Variants in MTUS1 observed in about 807,000 individuals in gnomAD.
MTUS1 encodes the protein microtubule associated scaffold protein 1, also known as microtubule-associated tumor suppressor 1.
A neutral mutation model predicts 120.8 loss-of-function variants in MTUS1; 109 were observed. The ratio of observed to expected loss-of-function variants is 0.90; its 90% CI spans 0.77 to 1.06. The LOEUF is 1.06. Among genes scored for constraint, MTUS1 ranks in the 50% least tolerant of loss-of-function variants. MTUS1 has a pLI of 0.00. For missense variants in MTUS1, 2,210 were observed against 1,486.3 expected, an observed-to-expected ratio of 1.49 and a Z score of -8.01; for synonymous variants, 737 against 550.5, an observed-to-expected ratio of 1.34 and a Z score of -4.74.
At chr8:17,726,754 T>A (rs570483179) in intron 3 of MTUS1, among the ~76,000 whole-genome samples, 6 of 152,148 alleles carry the variant, frequency 3.9e-5, no homozygotes, top group Non-Finnish European at 7.3e-5. Flanking sequence ...GAAAACAGAT[T>A]TTTAGAATAT....
chr8:17,722,202 G>A (rs915595208), intron 4 of MTUS1: 133 of 1,032,104 alleles, frequency 1.3e-4, no homozygotes, highest in Non-Finnish European at 1.5e-4. Context: ...AGCCTCCTTA[G>A]GAGCATCAGA....
intron 6 of MTUS1, among the ~76,000 whole-genome samples, chr8:17,710,761 G>A (rs139356061): frequency 6.6e-6 from 1 of 152,302 alleles, no homozygotes; most frequent in African/African-American, 2.4e-5. Flanking sequence ...GGCAGCTACA[G>A]TCTTACACAA....
Position 17,738,893 on chromosome 8 carries a change from C to T in MTUS1, c.2287+4711G>A, listed in dbSNP as rs181999146. Among the ~76,000 whole-genome samples the T allele has an allele frequency of 4.0e-5, 6 of 151,496 alleles. No homozygotes were observed. The East Asian group carries it at 1.2e-3, about 30-fold the overall frequency. On this transcript the variant is annotated intron_variant, in intron 3 of 14. Transcript: ENST00000693296. Reference sequence around the variant, plus strand: ...GTGGTTCATGCCTGTCATCTCGGTACTGTGGGAGGCCTAGGTGGGAGGATC... The same window carrying T: ...GTGGTTCATGCCTGTCATCTCGGTATTGTGGGAGGCCTAGGTGGGAGGATC...
intron 1 of MTUS1, among the ~76,000 whole-genome samples, chr8:17,795,914 G>A (rs1195722591): frequency 6.6e-6 from 1 of 151,060 alleles, no homozygotes; most frequent in Non-Finnish European, 1.5e-5. Context: ...GGGATTACAG[G>A]TGTGAGCCAC....
chr8:17,666,140 T>G (rs1810859411), intron 8 of MTUS1, among the ~76,000 whole-genome samples: 1 of 148,002 alleles, frequency 6.8e-6, no homozygotes, highest in African/African-American at 2.5e-5. Flanking sequence ...ACACTCCGTG[T>G]ATAAACGAAC....
intron 5 of MTUS1, among the ~76,000 whole-genome samples, chr8:17,714,246 C>A (rs1202884365): frequency 1.3e-5 from 2 of 152,160 alleles, no homozygotes; most frequent in African/African-American, 4.8e-5. Context: ...TGCCTATTTT[C>A]TCTTCAATTC....
intron 3 of MTUS1, among the ~76,000 whole-genome samples, chr8:17,730,367 T>A (rs1344382782): frequency 6.6e-6 from 1 of 151,862 alleles, no homozygotes; most frequent in Non-Finnish European, 1.5e-5. Flanking sequence ...CACCTGTAAT[T>A]CCAGCTACTT....
Position 17,707,192 on chromosome 8 carries a change from A to G in MTUS1, c.2623+6022T>C, listed in dbSNP as rs1820344446. Reference sequence around the variant, plus strand: ...AAGTCAAGGTGATTTTCAGTCACAGAATATCACAGTAGGGAGAAATCTAGA... The same window carrying G: ...AAGTCAAGGTGATTTTCAGTCACAGGATATCACAGTAGGGAGAAATCTAGA... On this transcript the variant is annotated intron_variant, in intron 6 of 14. Coordinates refer to ENST00000693296, the MANE Select transcript of MTUS1 (RefSeq NM_001363059.2). Among the ~76,000 whole-genome samples the G allele has an allele frequency of 2.0e-5, 3 of 152,236 alleles. No homozygotes were observed. The South Asian group carries it at 6.2e-4, about 31-fold the overall frequency.
chr8:17,748,706 C>T (rs894104570), intron 2 of MTUS1, among the ~76,000 whole-genome samples: 3 of 151,972 alleles, frequency 2.0e-5, no homozygotes, highest in Non-Finnish European at 4.4e-5. Context: ...CCACACACTC[C>T]TGCCCGCAAG....
intron 3 of MTUS1, among the ~76,000 whole-genome samples, chr8:17,742,949 T>C (rs533746782): frequency 6.6e-6 from 1 of 152,328 alleles, no homozygotes; most frequent in East Asian, 1.9e-4. Flanking sequence ...CTCAGTCAAT[T>C]GGAATGGCTA....
rs753726925 is a variant in MTUS1, at chr8:17,753,744, C to T, written c.2064G>A (p.Glu688=). The part of the protein sequence containing the change: ...KQELKQEIMN[E]TFEYGSLFLG... ...AAAACAGAGAACCATATTCAAAAGTCTCATTCATAATCTCTTGTTTCAGCT... is the reference window on the plus strand; with the variant it reads ...AAAACAGAGAACCATATTCAAAAGTTTCATTCATAATCTCTTGTTTCAGCT... The change falls in exon 2 of 15, where the codon GAG becomes GAA. Residue 688 remains glutamate, a synonymous_variant. Transcript: ENST00000693296. 2.6e-5 allele frequency: 42 copies of T among 1,606,748 alleles called. No individual in the cohort carries two copies. The highest frequency in any genetic ancestry group is 3.6e-5 in the Non-Finnish European group (42 of 1,178,060).
chr8:17,668,431 C>T (rs1357895229), intron 8 of MTUS1, among the ~76,000 whole-genome samples: 3 of 152,134 alleles, frequency 2.0e-5, no homozygotes, highest in Non-Finnish European at 4.4e-5. Context: ...AGCTGTTATT[C>T]AACATGACTC....
intron 4 of MTUS1, chr8:17,721,925 A>G (rs748018429): frequency 6.2e-7 from 1 of 1,604,032 alleles, no homozygotes. Context: ...AGCAAGCTTA[A>G]GCAGGAAAAA....
At chr8:17,703,153 C>T (rs144655001) in intron 6 of MTUS1, among the ~76,000 whole-genome samples, 6,046 of 152,196 alleles carry the variant, frequency 0.04, 212 homozygotes, top group African/African-American at 0.1. Flanking sequence ...TGACTGCCTG[C>T]GCGGTCGGGC....
At chr8:17,734,672 C>A (rs986069437) in intron 3 of MTUS1, among the ~76,000 whole-genome samples, 1 of 152,106 alleles carries the variant, frequency 6.6e-6, no homozygotes, top group Non-Finnish European at 1.5e-5. Flanking sequence ...GGGAATAAAC[C>A]AAAGACTTAA....
intron 6 of MTUS1, among the ~76,000 whole-genome samples, chr8:17,695,122 C>G (rs997582988): frequency 6.6e-6 from 1 of 152,162 alleles, no homozygotes; most frequent in Non-Finnish European, 1.5e-5. Context: ...ATGAATTACC[C>G]ACTTGACGGA....
At position 17,697,335 on chromosome 8, in the gene MTUS1, G is replaced by T. The variant is rs558725776; in HGVS notation, c.2624-12793C>A. On this transcript the variant is annotated intron_variant, in intron 6 of 14. Transcript: ENST00000693296. ...CGAAGCAATCCTTTGGCCGTCAGTC[G>T]TATGTGAATGGTGGATAAGGAGAAT... 2.8e-4 allele frequency: 450 copies of T among 1,614,146 alleles called. 2 individuals are homozygous for T. In the South Asian group the frequency reaches 4.6e-3, roughly 17 times the overall value.
In MTUS1 at chr8:17,684,189, C is replaced by T. The variant is rs188489919; in HGVS notation, c.2838+139G>A. The T allele has an allele frequency of 4.2e-4, 273 of 657,354 alleles. No individual in the cohort carries two copies. The African/African-American group carries it at 4.4e-3, about 11-fold the overall frequency. The allele number at this position is 657,354 out of a possible 1,614,324, so 40.7% of individuals were successfully genotyped here. ...CCGACTCAAGTATCTGGTGAAGTGA[C>T]AAAAATGTAATGGGATGAATGACAC... On this transcript the variant is annotated intron_variant, in intron 7 of 14. Transcript: ENST00000693296.
At chr8:17,684,120 A>T (rs1815215452) in intron 7 of MTUS1, among the ~76,000 whole-genome samples, 1 of 152,178 alleles carries the variant, frequency 6.6e-6, no homozygotes, top group Non-Finnish European at 1.5e-5. Context: ...CTCTAGGGGA[A>T]AAAAAGGAAG....
Sources: allele counts gnomAD v4.1 joint callset (sites outside exome capture counted in the v4.1 genomes callset), GRCh38; gene constraint gnomAD v4.1.1; transcripts MANE v1.5; gene names NCBI Gene and HGNC (gene_info 2026-07-23, HGNC 2026-07-21).